The following ACP6 variants were observed in gnomAD, a reference collection of about 807,000 sequenced individuals.
The protein encoded by ACP6 is acid phosphatase 6, lysophosphatidic.
A neutral mutation model predicts 48.1 loss-of-function variants in ACP6; 48 were observed. That is an observed-to-expected ratio of 1.00 (90% CI 0.79 to 1.27). ACP6 has a LOEUF of 1.27. Among genes scored for constraint, ACP6 ranks in the 50% most tolerant of loss-of-function variants. The probability of loss-of-function intolerance (pLI) is 0.00; values close to 1 mark genes in which losing one functional copy is unlikely to be tolerated. For synonymous variants in ACP6, 172 were observed against 204.2 expected, an observed-to-expected ratio of 0.84 and a Z score of 1.34; for missense variants, 485 against 529.1, an observed-to-expected ratio of 0.92 and a Z score of 0.82.
chr1:147,659,276 TGAC>T, intron 3 of ACP6, 117 bp downstream of exon 3: 1 of 1,392,680 alleles, frequency 7.2e-7, no homozygotes, highest in Non-Finnish European at 9.8e-7. Context: ...GTATGCAGCA[TGAC>T]AAGTTGTCCC....
Position 147,643,753 on chromosome 1 carries a change from C to G in ACP6, c.*3670G>C, listed in dbSNP as rs1341565751. 6.6e-6 allele frequency: 1 copy of G among 152,142 alleles called. No individual in the cohort carries two copies. Among genetic ancestry groups the G allele is most frequent in the African/African-American group, 2.4e-5 (1 of 41,430 alleles). The allele number at this position is 152,142 out of a possible 1,614,324, so 9.4% of individuals were successfully genotyped here. A position where few individuals can be genotyped will look rare whatever the true frequency, so the allele number is the denominator to read the frequency against. On this transcript the variant is annotated 3_prime_UTR_variant, in exon 10 of 10. Transcript: ENST00000583509. ...ACAGCATGGTGACCATAGTTCATAA[C>G]AGTATACTGTTGTCTTAGTCCATTT...
chr1:147,662,548 G>C (rs1265914098), intron 1 of ACP6, among the ~76,000 whole-genome samples: 1 of 152,208 alleles, frequency 6.6e-6, no homozygotes, highest in African/African-American at 2.4e-5. Flanking sequence ...AGATGTGATG[G>C]AAATAGCAAG....
chr1:147,658,306 T>C (rs1224461646), intron 4 of ACP6, among the ~76,000 whole-genome samples: 2 of 152,216 alleles, frequency 1.3e-5, no homozygotes, highest in Non-Finnish European at 2.9e-5. Flanking sequence ...ACCTTTTTAA[T>C]AAGGTCATGA....
chr1:147,645,579 T>G lies in ACP6; in HGVS notation c.*1844A>C, dbSNP rs1038537576. 4 of 152,306 alleles carry G rather than the reference T, an allele frequency of 2.6e-5. No individual in the cohort carries two copies. Among genetic ancestry groups the G allele is most frequent in the Admixed American group, 2.6e-4 (4 of 15,302 alleles). The allele number at this position is 152,306 out of a possible 1,614,324, so 9.4% of individuals were successfully genotyped here. A position where few individuals can be genotyped will look rare whatever the true frequency, so the allele number is the denominator to read the frequency against. ...GTCGAAGCCAGTGAAGGAAATAGTCTAGGAATACTGATGAGAAGCTTAGTA... is the reference window on the plus strand; with the variant it reads ...GTCGAAGCCAGTGAAGGAAATAGTCGAGGAATACTGATGAGAAGCTTAGTA... On this transcript the variant is annotated 3_prime_UTR_variant, in exon 10 of 10. Coordinates refer to ENST00000583509, the MANE Select transcript of ACP6 (RefSeq NM_016361.5).
chr1:147,669,073 A>T lies in ACP6; in HGVS notation c.219+757T>A, dbSNP rs587595602. Among the ~76,000 whole-genome samples the T allele has an allele frequency of 2.4e-4, 34 of 142,384 alleles. 1 individual carries two copies. The East Asian group carries it at 7.0e-3, about 29-fold the overall frequency. The allele number at this position is 142,384 out of a possible 152,430, so 93.4% of individuals were successfully genotyped here. On this transcript the variant is annotated intron_variant, in intron 1 of 9. Coordinates refer to ENST00000583509, the MANE Select transcript of ACP6 (RefSeq NM_016361.5). ...CTAGGCCTTTCTGCTATAAAAAGTCACATCCAGGAAAGATAATCATTTTTT... is the reference window on the plus strand; with the variant it reads ...CTAGGCCTTTCTGCTATAAAAAGTCTCATCCAGGAAAGATAATCATTTTTT...
intron 1 of ACP6, among the ~76,000 whole-genome samples, chr1:147,660,845 TTAAC>T (rs1553212609): frequency 6.6e-6 from 1 of 152,252 alleles, no homozygotes; most frequent in African/African-American, 2.4e-5. Context: ...TGATATATGA[TTAAC>T]TAATGTAAAC....
intron 5 of ACP6, 126 bp from the exon 6 acceptor site, chr1:147,654,452 AT>A: frequency 2.0e-6 from 2 of 1,017,638 alleles, no homozygotes; most frequent in Non-Finnish European, 2.8e-6. Flanking sequence ...GTTAGCTGGT[AT>A]TATCCCAATT....
chr1:147,668,056 T>C (rs1025338262), intron 1 of ACP6, among the ~76,000 whole-genome samples: 3 of 152,004 alleles, frequency 2.0e-5, no homozygotes, highest in African/African-American at 7.3e-5. Flanking sequence ...ACAGAGACTA[T>C]CCAGAAACAA....
intron 5 of ACP6, among the ~76,000 whole-genome samples, chr1:147,636,994 G>C (rs1257910351): frequency 6.6e-6 from 1 of 152,154 alleles, no homozygotes; most frequent in Non-Finnish European, 1.5e-5. Context: ...AGAGCTACTG[G>C]AGTCCCCAGG....
chr1:147,657,461 C>T (rs150771410), intron 4 of ACP6, among the ~76,000 whole-genome samples: 2,608 of 152,212 alleles, frequency 0.017, 65 homozygotes, highest in African/African-American at 0.06. Context: ...CTCGCTGTCA[C>T]CCAGGCTGGA....
chr1:147,630,052 CA>C (rs1308471873), exon 6 of ACP6: 2 of 152,190 alleles, frequency 1.3e-5, no homozygotes, highest in Non-Finnish European at 2.9e-5. Context: ...GTTATTTCAC[CA>C]AACACGAAAG....
rs587634787 is a variant in ACP6, at chr1:147,661,981, T to C, written c.220-2206A>G. 2.6e-5 allele frequency among the ~76,000 whole-genome samples: 4 copies of C among 152,368 alleles called. No homozygotes were observed. The East Asian group carries it at 7.7e-4, about 29-fold the overall frequency. On this transcript the variant is annotated intron_variant, in intron 1 of 9. Transcript: ENST00000583509. Reference sequence around the variant, plus strand: ...TCCTTAAGGTGAAGCCAAGGCTCATTTACTATTCTGCAAATCCTACAGCCC... The same window carrying C: ...TCCTTAAGGTGAAGCCAAGGCTCATCTACTATTCTGCAAATCCTACAGCCC...
Position 147,647,523 on chromosome 1 carries a change from T to C in ACP6, c.1187A>G (p.Asp396Gly), listed in dbSNP as rs1659683081. 1 of 1,613,908 alleles carries C rather than the reference T, an allele frequency of 6.2e-7. No individual in the cohort carries two copies. The change falls in exon 10 of 10, where the codon GAC (aspartate) becomes GGC (glycine). Residue 396 changes from aspartate to glycine, a missense_variant. Coordinates refer to ENST00000583509, the MANE Select transcript of ACP6 (RefSeq NM_016361.5). ...RGCPDGLCPL[D>G]MFLNAMSVYT... ...AACTGACATGGCATTCAAGAACATG[T>C]CCAGCGGGCAGAGCCCATCAGGGCA...
chr1:147,630,283 C>G (rs782698257), exon 6 of ACP6: 1 of 152,200 alleles, frequency 6.6e-6, no homozygotes, highest in Admixed American at 6.5e-5. Flanking sequence ...AGGGGCTGAC[C>G]CGCAGCTCTG....
intron 8 of ACP6, among the ~76,000 whole-genome samples, chr1:147,649,591 C>T (rs952394157): frequency 1.3e-5 from 2 of 152,056 alleles, no homozygotes; most frequent in Non-Finnish European, 2.9e-5. Context: ...ACTAAAGGTG[C>T]GTGCCACCAT....
At chr1:147,657,490 G>A (rs943453506) in intron 4 of ACP6, among the ~76,000 whole-genome samples, 13 of 151,952 alleles carry the variant, frequency 8.6e-5, no homozygotes, top group African/African-American at 1.5e-4. Flanking sequence ...GTGCGATCTC[G>A]GCTCACTGCA....
intron 1 of ACP6, among the ~76,000 whole-genome samples, chr1:147,664,019 C>A (rs368226258): frequency 6.6e-6 from 1 of 152,176 alleles, no homozygotes; most frequent in African/African-American, 2.4e-5. Flanking sequence ...CTACCCTCCC[C>A]GAACTATCCC....
At position 147,659,632 on chromosome 1, in the gene ACP6, G is replaced by A; in HGVS notation, c.348+15C>T. 1 of 1,614,046 alleles carries A rather than the reference G, an allele frequency of 6.2e-7. No individual in the cohort carries two copies. Among genetic ancestry groups the A allele is most frequent in the South Asian group, 1.1e-5 (1 of 91,074 alleles). ...TTTGCAGTGGGGCTCCCCAGAGCAA[G>A]GAAGCATTGCTCACCTTCAGGGTGG... is the stretch of plus-strand genomic sequence containing the variant. On this transcript the variant is annotated intron_variant, in intron 2 of 9. Transcript: ENST00000583509.
chr1:147,635,328 T>C (rs587701582), intron 5 of ACP6, among the ~76,000 whole-genome samples: 2 of 152,320 alleles, frequency 1.3e-5, no homozygotes, highest in Admixed American at 6.5e-5. Flanking sequence ...CCCAGCAATC[T>C]TGGGCCATTT....
Sources: gnomAD v4.1 joint callset for allele counts (sites outside exome capture counted in the v4.1 genomes callset) on GRCh38, gnomAD v4.1.1 for gene constraint, MANE v1.5 for transcripts, NCBI Gene and HGNC (gene_info 2026-07-23, HGNC 2026-07-21) for gene names.